Variants in VPS13C observed in about 807,000 individuals in gnomAD.
The protein encoded by VPS13C is vacuolar protein sorting 13 homolog C, also known as intermembrane lipid transfer protein VPS13C.
In VPS13C, 358 loss-of-function variants were observed where a neutral mutation model predicts 456.8. The observed-to-expected ratio is 0.78, with a 90% CI of 0.72 to 0.86. VPS13C has a LOEUF of 0.86. Ranked by LOEUF, VPS13C falls within the 40% of genes least tolerant of loss-of-function variation. VPS13C has a pLI of 0.00. For synonymous variants in VPS13C, 1,578 were observed against 1,486.7 expected, an observed-to-expected ratio of 1.06 and a Z score of -1.41; for missense variants, 4,818 against 4,385.4, an observed-to-expected ratio of 1.10 and a Z score of -2.79.
intron 2 of VPS13C, among the ~76,000 whole-genome samples, chr15:62,043,547 A>AGT (rs2048307563): frequency 6.6e-6 from 1 of 152,238 alleles, no homozygotes; most frequent in African/African-American, 2.4e-5. Context: ...CGGAAGTTGC[A>AGT]GTGAGCCAAG....
chr15:62,046,092 T>C (rs146381645), intron 1 of VPS13C, among the ~76,000 whole-genome samples: 259 of 152,092 alleles, frequency 1.7e-3, no homozygotes, highest in African/African-American at 5.9e-3. Flanking sequence ...CTAAAATAAA[T>C]TGTCGAAAAC....
chr15:61,991,338 TC>T (rs35290516), intron 17 of VPS13C, among the ~76,000 whole-genome samples: 1 of 152,166 alleles, frequency 6.6e-6, no homozygotes, highest in Non-Finnish European at 1.5e-5. Context: ...GTTTTAGAAT[TC>T]CCTAAGTATT....
At position 61,971,387 on chromosome 15, in the gene VPS13C, G is replaced by A. The variant is rs570663549; in HGVS notation, c.2757+1238C>T. On this transcript the variant is annotated intron_variant, in intron 27 of 84. Transcript: ENST00000644861. ...AGCAATTCTCCTGCCTCAGCCTCCC[G>A]AGCAGCTGGGATTACAGGTGCCCAC... 4.6e-5 allele frequency among the ~76,000 whole-genome samples: 7 copies of A among 152,088 alleles called. No homozygotes were observed. The East Asian group carries it at 1.2e-3, about 25-fold the overall frequency.
chr15:61,896,668 C>G (rs1396048820), intron 66 of VPS13C, among the ~76,000 whole-genome samples: 1 of 152,200 alleles, frequency 6.6e-6, no homozygotes, highest in East Asian at 1.9e-4. Context: ...GGCAGCGAGG[C>G]TGGGGGAGGG....
At chr15:62,050,315 G>C (rs538887170) in intron 1 of VPS13C, among the ~76,000 whole-genome samples, 2 of 152,128 alleles carry the variant, frequency 1.3e-5, no homozygotes, top group African/African-American at 2.4e-5. Flanking sequence ...TCTGTGAAGC[G>C]ATCTCCCTTA....
rs1361911165 is a variant in VPS13C, at chr15:61,931,183, T to A, written c.5945A>T (p.Lys1982Met). 6.2e-7 allele frequency: 1 copy of A among 1,614,076 alleles called. No individual in the cohort carries two copies. Among genetic ancestry groups the A allele is most frequent in the Non-Finnish European group, 8.5e-7 (1 of 1,180,036 alleles). ...LRLHLMASSG[K>M]MFKDGSMNVS... ...ATTCATTGAGCCATCCTTAAACATCTTCCCTGAGGAGGCCATAAGATGTAG... is the reference window on the plus strand; with the variant it reads ...ATTCATTGAGCCATCCTTAAACATCATCCCTGAGGAGGCCATAAGATGTAG... Residue 1982 changes from lysine to methionine, a missense_variant, in exon 50 of 85, where the codon AAG (lysine) becomes ATG (methionine). By Grantham distance (95) the Lys-to-Met change is moderately conservative. Coordinates refer to ENST00000644861, the MANE Select transcript of VPS13C (RefSeq NM_020821.3).
intron 66 of VPS13C, among the ~76,000 whole-genome samples, chr15:61,896,875 G>C (rs1273501319): frequency 1.3e-5 from 2 of 152,198 alleles, no homozygotes; most frequent in East Asian, 1.9e-4. Flanking sequence ...GAAGAGAGCA[G>C]TGGTTCTCCC....
intron 52 of VPS13C, among the ~76,000 whole-genome samples, chr15:61,926,295 G>A (rs1333059614): frequency 6.6e-6 from 1 of 152,162 alleles, no homozygotes; most frequent in Non-Finnish European, 1.5e-5. Context: ...AGCTACTCAG[G>A]AGGCTGAGGC....
chr15:61,962,609 G>A (rs1192593584), intron 33 of VPS13C, 71 bp from the exon 34 acceptor site: 4 of 1,452,854 alleles, frequency 2.8e-6, no homozygotes, highest in Admixed American at 4.5e-5. Context: ...TTTACAAAAG[G>A]CTTTACATTT....
At chr15:61,891,891 G>A (rs1049333002) in intron 66 of VPS13C, among the ~76,000 whole-genome samples, 5 of 152,164 alleles carry the variant, frequency 3.3e-5, no homozygotes, top group Admixed American at 6.5e-5. Flanking sequence ...TTGAACCTGA[G>A]GCTGACACAA....
At chr15:62,034,160 G>T (rs2047909766) in intron 4 of VPS13C, among the ~76,000 whole-genome samples, 1 of 151,502 alleles carries the variant, frequency 6.6e-6, no homozygotes, top group Non-Finnish European at 1.5e-5. Context: ...ACAGTAGGTA[G>T]CCCACAATAG....
At chr15:61,945,624 T>A (rs1332263356) in intron 45 of VPS13C, 91 bp downstream of exon 45, 1 of 1,026,648 alleles carries the variant, frequency 9.7e-7, no homozygotes, top group Non-Finnish European at 1.4e-6. Flanking sequence ...CACACAGCCT[T>A]ATCAGTGAAG....
At chr15:62,026,104 C>A in intron 6 of VPS13C, among the ~76,000 whole-genome samples, 1 of 80,552 alleles carries the variant, frequency 1.2e-5, no homozygotes, top group Non-Finnish European at 3.3e-5. Context: ...TGATGAAAAT[C>A]TGATCTCACT....
intron 49 of VPS13C, among the ~76,000 whole-genome samples, chr15:61,933,648 T>C (rs890838708): frequency 3.9e-5 from 6 of 152,068 alleles, no homozygotes; most frequent in African/African-American, 1.4e-4. Context: ...AATATCAGCA[T>C]AATAAAAAAT....
chr15:62,054,028 G>A (rs1029823234), intron 1 of VPS13C, among the ~76,000 whole-genome samples: 5 of 152,222 alleles, frequency 3.3e-5, no homozygotes, highest in African/African-American at 1.2e-4. Context: ...TTTTCCTGCT[G>A]ACTCTCCACA....
chr15:61,893,472 C>T (rs983209752), intron 66 of VPS13C, among the ~76,000 whole-genome samples: 4 of 151,146 alleles, frequency 2.6e-5, no homozygotes, highest in Admixed American at 6.6e-5. Flanking sequence ...ACACATCTTA[C>T]AAAAAATGAT....
At chr15:61,877,610 G>T (rs2140894719) in intron 74 of VPS13C, among the ~76,000 whole-genome samples, 1 of 151,498 alleles carries the variant, frequency 6.6e-6, no homozygotes, top group Non-Finnish European at 1.5e-5. Flanking sequence ...TTTTTGGAAA[G>T]AATTTCCAAA....
chr15:61,930,542 AC>A (rs1466277001), intron 50 of VPS13C, among the ~76,000 whole-genome samples: 2 of 152,230 alleles, frequency 1.3e-5, no homozygotes, highest in African/African-American at 4.8e-5. Context: ...ATGTCTCATT[AC>A]TTGAGAAAAA....
chr15:61,931,360 T>G, intron 49 of VPS13C, 101 bp from the exon 50 acceptor site: 1 of 1,221,156 alleles, frequency 8.2e-7, no homozygotes, highest in East Asian at 2.6e-5. Flanking sequence ...CAAACTGATC[T>G]CATGAATTTT....
Sources: allele counts gnomAD v4.1 joint callset (sites outside exome capture counted in the v4.1 genomes callset), GRCh38; gene constraint gnomAD v4.1.1; transcripts MANE v1.5; gene names NCBI Gene and HGNC (gene_info 2026-07-23, HGNC 2026-07-21).